Variants in SLX9 observed in about 807,000 individuals in gnomAD.
SLX9 encodes ribosome biogenesis protein SLX9 homolog.
A neutral mutation model predicts 20.8 loss-of-function variants in SLX9; 19 were observed. That is an observed-to-expected ratio of 0.91 (90% CI 0.64 to 1.34). The LOEUF (loss-of-function observed/expected upper bound fraction) is 1.34. Among genes scored for constraint, SLX9 ranks in the 40% most tolerant of loss-of-function variants. The pLI is 0.00. For missense variants in SLX9, 299 were observed against 322.2 expected (o/e 0.93, Z 0.55); for synonymous variants, 113 against 137.1 (o/e 0.82, Z 1.23).
At chr21:44,943,898 G>A (rs2084596028) in intron 2 of SLX9, 61 bp downstream of exon 2, 30 of 1,606,346 alleles carry the variant, frequency 1.9e-5, no homozygotes, top group Non-Finnish European at 2.5e-5. Context: ...TGTTCCCTCA[G>A]GCACCCGAGG....
At chr21:44,941,968 G>C (rs142261005) in intron 1 of SLX9, among the ~76,000 whole-genome samples, 2 of 152,338 alleles carry the variant, frequency 1.3e-5, no homozygotes, top group East Asian at 3.9e-4. Flanking sequence ...CAAGAGCTCC[G>C]TGTCAGGACA....
At chr21:44,974,708 C>T (rs1055494878) in intron 5 of SLX9, among the ~76,000 whole-genome samples, 7 of 152,134 alleles carry the variant, frequency 4.6e-5, no homozygotes, top group Non-Finnish European at 8.8e-5. Flanking sequence ...AGGGTCTTCC[C>T]GTAGATCTTT....
chr21:44,954,255 G>A (rs1008135549), intron 2 of SLX9, among the ~76,000 whole-genome samples: 2 of 152,190 alleles, frequency 1.3e-5, no homozygotes, highest in Non-Finnish European at 1.5e-5. Flanking sequence ...GCCAGATCCC[G>A]TGGACTCTGC....
At chr21:44,951,008 G>A (rs946002429) in intron 2 of SLX9, among the ~76,000 whole-genome samples, 1 of 152,186 alleles carries the variant, frequency 6.6e-6, no homozygotes, top group African/African-American at 2.4e-5. Flanking sequence ...CGGCGACTGG[G>A]TACACGTGTC....
intron 4 of SLX9, among the ~76,000 whole-genome samples, chr21:44,967,674 C>T (rs541614270): frequency 1.3e-5 from 2 of 152,310 alleles, no homozygotes; most frequent in South Asian, 2.1e-4. Flanking sequence ...CCTGTCCTGC[C>T]CCTCACTCTG....
At chr21:44,952,218 C>G (rs897097919) in intron 2 of SLX9, among the ~76,000 whole-genome samples, 2 of 152,260 alleles carry the variant, frequency 1.3e-5, no homozygotes, top group Non-Finnish European at 2.9e-5. Flanking sequence ...CCGTGCAAGT[C>G]TGGATCTCAC....
At chr21:44,975,799 G>A (rs1191782025) in intron 5 of SLX9, among the ~76,000 whole-genome samples, 1 of 152,256 alleles carries the variant, frequency 6.6e-6, no homozygotes, top group African/African-American at 2.4e-5. Context: ...GCAGAGCCCT[G>A]ACCGCCTCCT....
At position 44,967,062 on chromosome 21, in the gene SLX9, G is replaced by A; in HGVS notation, c.381G>A (p.Gln127=). 6.2e-7 allele frequency: 1 copy of A among 1,611,568 alleles called. No homozygotes were observed. Among genetic ancestry groups the A allele is most frequent in the Non-Finnish European group, 8.5e-7 (1 of 1,179,640 alleles). The change falls in exon 4 of 6, where the codon CAG becomes CAA. Residue 127 remains glutamine, a synonymous_variant. Transcript: ENST00000291634. ...TCGAAGCCATAAAACTGGCTGAGCA[G>A]AAGCACAGGGAGGAGCGGAGGCGGA... ...QKIEAIKLAE[Q]KHREERRRRA...
chr21:44,969,995 G>C (rs2085113370), intron 4 of SLX9, among the ~76,000 whole-genome samples: 1 of 152,206 alleles, frequency 6.6e-6, no homozygotes, highest in Non-Finnish European at 1.5e-5. Context: ...ACTGGGTTTG[G>C]GGAGGAAGCC....
intron 5 of SLX9, among the ~76,000 whole-genome samples, chr21:44,975,598 C>T (rs2085247201): frequency 6.6e-6 from 1 of 152,266 alleles, no homozygotes; most frequent in African/African-American, 2.4e-5. Context: ...AGAACCTGGC[C>T]TGGGCCTTCC....
At chr21:44,974,608 C>G (rs939073846) in intron 5 of SLX9, among the ~76,000 whole-genome samples, 2 of 152,126 alleles carry the variant, frequency 1.3e-5, no homozygotes, top group Non-Finnish European at 2.9e-5. Flanking sequence ...CTCTGTGGCC[C>G]AGGCTGGAGT....
chr21:44,946,724 C>CCAGCCCAGAG (rs2084649915), intron 2 of SLX9, among the ~76,000 whole-genome samples: 6 of 152,246 alleles, frequency 3.9e-5, no homozygotes, highest in Admixed American at 3.9e-4. Flanking sequence ...TCTGGCCAGC[C>CCAGCCCAGAG]GTCTCTGGCT....
In SLX9 at chr21:44,949,616, G is replaced by T. The variant is rs528744878; in HGVS notation, c.283+5779G>T. Among the ~76,000 whole-genome samples the T allele has an allele frequency of 5.4e-4, 82 of 152,292 alleles. 3 individuals carry two copies. In the South Asian group the frequency reaches 0.017, roughly 31 times the overall value. On this transcript the variant is annotated intron_variant, in intron 2 of 5. Transcript: ENST00000291634. ...CAGGGCACCCACCGCCGCCATTGCT[G>T]CTCCGGCAGCCACTCCTGCCGCTTC... is the stretch of plus-strand genomic sequence containing the variant.
intron 4 of SLX9, among the ~76,000 whole-genome samples, chr21:44,971,312 C>T (rs1016923830): frequency 2.0e-5 from 3 of 152,184 alleles, no homozygotes; most frequent in African/African-American, 7.2e-5. Flanking sequence ...GCGTCCCTGC[C>T]GGTGCTTGCC....
At chr21:44,965,012 C>G (rs1276953524) in intron 3 of SLX9, among the ~76,000 whole-genome samples, 3 of 152,200 alleles carry the variant, frequency 2.0e-5, no homozygotes, top group Non-Finnish European at 2.9e-5. Flanking sequence ...GCACTTTTGC[C>G]ACGCTGTTAA....
intron 3 of SLX9, among the ~76,000 whole-genome samples, chr21:44,964,325 A>AT (rs1219250180): frequency 1.3e-5 from 2 of 151,772 alleles, no homozygotes; most frequent in Admixed American, 6.6e-5. Context: ...GTATGTGTGG[A>AT]TTTTTTCCCT....
chr21:44,971,295 TGGA>T, intron 4 of SLX9, among the ~76,000 whole-genome samples: 1 of 152,248 alleles, frequency 6.6e-6, no homozygotes, highest in Admixed American at 6.5e-5. Context: ...TTAGGCCTCG[TGGA>T]GTCGCGTCCC....
chr21:44,949,660 G>A (rs974557646), intron 2 of SLX9, among the ~76,000 whole-genome samples: 5 of 152,218 alleles, frequency 3.3e-5, no homozygotes, highest in Non-Finnish European at 7.3e-5. Context: ...CCTTCCGGCT[G>A]TGTACGACCT....
rs371104992 is a variant in SLX9, at chr21:44,973,273, C to T, written c.569+8C>T. 1.6e-4 allele frequency: 250 copies of T among 1,611,508 alleles called. No individual in the cohort carries two copies. Among genetic ancestry groups the T allele is most frequent in the Non-Finnish European group, 1.9e-4 (230 of 1,179,668 alleles). On this transcript the variant is annotated splice_region_variant and intron_variant, in intron 5 of 5. Coordinates refer to ENST00000291634, the MANE Select transcript of SLX9 (RefSeq NM_058190.4). ...CCAGAGACAGCAGCTTCTGTGAGTG[C>T]ACCTGCCCACCTCCTCAGGGGTTCA...
Sources: allele counts gnomAD v4.1 joint callset (sites outside exome capture counted in the v4.1 genomes callset), GRCh38; gene constraint gnomAD v4.1.1; transcripts MANE v1.5; gene names NCBI Gene and HGNC (gene_info 2026-07-23, HGNC 2026-07-21).